FN3K: variants seen among roughly 807,000 people sequenced by gnomAD.
FN3K encodes the protein fructosamine-3-kinase.
In FN3K, 24 loss-of-function variants were observed where a neutral mutation model predicts 24.8. The ratio of observed to expected loss-of-function variants is 0.97; its 90% confidence interval spans 0.70 to 1.36. The LOEUF (loss-of-function observed/expected upper bound fraction) is 1.36. Ranked by LOEUF, FN3K falls within the 40% of genes most tolerant of loss-of-function variation. FN3K has a pLI of 0.00. For missense variants in FN3K, 449 were observed against 416.7 expected (o/e 1.08, Z -0.67); for synonymous variants, 192 against 175.2 (o/e 1.10, Z -0.76).
intron 5 of FN3K, 119 bp downstream of exon 5, chr17:82,749,096 A>C: frequency 7.0e-7 from 1 of 1,437,940 alleles, no homozygotes; most frequent in Non-Finnish European, 9.5e-7. Flanking sequence ...TGGAGCACAC[A>C]TCAGGGAGGA....
rs114101635 is a variant in FN3K at position 82,748,427 on chromosome 17, C to T, written c.469-428C>T. ...CTCCCAAAGTGCTGGGAATTGCAGGCGTGAGCCACTGTGCCTGGCCTCCAG... is the reference window on the plus strand; with the variant it reads ...CTCCCAAAGTGCTGGGAATTGCAGGTGTGAGCCACTGTGCCTGGCCTCCAG... On this transcript the variant is annotated intron_variant, in intron 4 of 5. Transcript: ENST00000300784. 7.9e-3 allele frequency among the ~76,000 whole-genome samples: 1,200 copies of T among 152,016 alleles called. 15 individuals are homozygous for T. Among genetic ancestry groups the T allele is most frequent in the African/African-American group, 0.027 (1,115 of 41,460 alleles).
Position 82,738,940 on chromosome 17 carries a change from A to ACGTGTG in FN3K, c.293+300_293+301insCGTGTG, listed in dbSNP as rs1568067663. ...TATATATACACATATATATATATAT[A>ACGTGTG]TATATATTTTTTTTTTTTTTGAAAC... is the stretch of plus-strand genomic sequence containing the variant. On this transcript the variant is annotated intron_variant, in intron 2 of 5. Transcript: ENST00000300784. Among the ~76,000 whole-genome samples the ACGTGTG allele has an allele frequency of 2.4e-4, 25 of 102,318 alleles. 1 individual carries two copies. Among genetic ancestry groups the ACGTGTG allele is most frequent in the African/African-American group, 1.0e-3 (25 of 24,540 alleles). The allele number at this position is 102,318 out of a possible 152,430, so 67.1% of individuals were successfully genotyped here. A position where few individuals can be genotyped will look rare whatever the true frequency, so the allele number is the denominator to read the frequency against.
In FN3K at chr17:82,738,784, T is replaced by C. The variant is rs2046921838; in HGVS notation, c.293+144T>C. ...CCTGTGGCTGAGCCGTCCACACAAC[T>C]GCCCGGTTATCAGAGGCAGGGCCAA... On this transcript the variant is annotated intron_variant, in intron 2 of 5. Coordinates refer to ENST00000300784, the MANE Select transcript of FN3K (RefSeq NM_022158.4). The C allele has an allele frequency of 5.0e-6, 5 of 1,002,066 alleles. No homozygotes were observed. The East Asian group carries it at 1.3e-4, about 26-fold the overall frequency. 62.1% of individuals were successfully genotyped at this position (1,002,066 alleles called of 1,614,324 possible). A position where few individuals can be genotyped will look rare whatever the true frequency, so the allele number is the denominator to read the frequency against.
At position 82,750,757 on chromosome 17, in the gene FN3K, G is replaced by A. The variant is rs1361828172; in HGVS notation, c.*2G>A. On this transcript the variant is annotated 3_prime_UTR_variant, in exon 6 of 6. Coordinates refer to ENST00000300784, the MANE Select transcript of FN3K (RefSeq NM_022158.4). Reference sequence around the variant, plus strand: ...ACCATGCGAAGGCTGCTCAAGTAGCGGCCCCTGCCCTCCCTTCCCCTGTCC... The same window carrying A: ...ACCATGCGAAGGCTGCTCAAGTAGCAGCCCCTGCCCTCCCTTCCCCTGTCC... The A allele has an allele frequency of 2.5e-6, 4 of 1,609,798 alleles. No individual in the cohort carries two copies. The highest frequency in any genetic ancestry group is 3.3e-5 in the Admixed American group (2 of 59,948).
Position 82,748,842 on chromosome 17 carries a change from C to T in FN3K, c.469-13C>T. 6.8e-6 allele frequency: 11 copies of T among 1,606,024 alleles called. No homozygotes were observed. The highest frequency in any genetic ancestry group is 9.3e-6 in the Non-Finnish European group (11 of 1,177,996). On this transcript the variant is annotated splice_polypyrimidine_tract_variant and intron_variant, in intron 4 of 5. Transcript: ENST00000300784. Reference sequence around the variant, plus strand: ...CGAATTGCAACAGTGGCCTCTTTTCCCTTGTTGTCCAGGTGAATGAGTGGC... The same window carrying T: ...CGAATTGCAACAGTGGCCTCTTTTCTCTTGTTGTCCAGGTGAATGAGTGGC...
At chr17:82,741,185 G>A (rs1375910396) in intron 3 of FN3K, 126 bp from the exon 4 acceptor site, 1 of 821,744 alleles carries the variant, frequency 1.2e-6, no homozygotes. Context: ...GCTACTGTAT[G>A]TAGTACATCC....
chr17:82,750,485 G>T lies in FN3K; in HGVS notation c.660G>T (p.Ser220=), dbSNP rs2047004660. 1 of 1,614,042 alleles carries T rather than the reference G, an allele frequency of 6.2e-7. No individual in the cohort carries two copies. The highest frequency in any genetic ancestry group is 1.3e-5 in the African/African-American group (1 of 74,910). The stretch of plus-strand genomic sequence containing the variant: ...CGTTGCTCCACGGGGATCTCTGGTC[G>T]GGAAACGTGGCTGAGGACGACGTGG... The part of the protein sequence containing the change: ...VPALLHGDLW[S]GNVAEDDVGP... The change falls in exon 6 of 6, where the codon TCG becomes TCT. Residue 220 remains serine (S), a synonymous_variant. Transcript: ENST00000300784.
rs895600318 is a variant in FN3K, at chr17:82,738,929, T to G, written c.293+289T>G. Reference sequence around the variant, plus strand: ...CATAAAATATATATATATACACATATATATATATATATATATATTTTTTTT... The same window carrying G: ...CATAAAATATATATATATACACATAGATATATATATATATATATTTTTTTT... On this transcript the variant is annotated intron_variant, in intron 2 of 5. Transcript: ENST00000300784. Among the ~76,000 whole-genome samples the G allele has an allele frequency of 1.1e-3, 46 of 41,802 alleles. No homozygotes were observed. The Admixed American group carries it at 0.014, about 13-fold the overall frequency. The allele number at this position is 41,802 out of a possible 152,430, so 27.4% of individuals were successfully genotyped here.
intron 4 of FN3K, among the ~76,000 whole-genome samples, chr17:82,746,897 T>C (rs1445785628): frequency 6.6e-6 from 1 of 151,810 alleles, no homozygotes; most frequent in African/African-American, 2.4e-5. Flanking sequence ...AGATCTTGGC[T>C]CACTGCAACC....
intron 4 of FN3K, chr17:82,745,741 C>T (rs1012903677): frequency 2.6e-5 from 4 of 152,110 alleles, no homozygotes; most frequent in South Asian, 4.1e-4. Context: ...CCACTTATCT[C>T]GGGTAAATAC....
intron 2 of FN3K, among the ~76,000 whole-genome samples, chr17:82,739,255 G>T (rs998186064): frequency 6.6e-6 from 1 of 151,470 alleles, no homozygotes; most frequent in Admixed American, 6.6e-5. Context: ...CCCAAAATAA[G>T]TATATTTGAA....
At chr17:82,742,966 G>C (rs1454754063) in intron 4 of FN3K, among the ~76,000 whole-genome samples, 1 of 152,150 alleles carries the variant, frequency 6.6e-6, no homozygotes, top group Non-Finnish European at 1.5e-5. Context: ...AGCAGATTTA[G>C]GGTTCCCAGC....
chr17:82,745,575 T>A (rs1223834483), intron 4 of FN3K: 1 of 152,278 alleles, frequency 6.6e-6, no homozygotes, highest in Non-Finnish European at 1.5e-5. Context: ...CACATCCATG[T>A]TGCATGTGTC....
chr17:82,742,127 A>C (rs534124175), intron 4 of FN3K, among the ~76,000 whole-genome samples: 2 of 151,752 alleles, frequency 1.3e-5, no homozygotes, highest in Admixed American at 1.3e-4. Context: ...CTGGTCTCGA[A>C]CTCCTGACCT....
intron 4 of FN3K, 24 bp downstream of exon 4, chr17:82,741,417 C>T: frequency 6.3e-7 from 1 of 1,598,376 alleles, no homozygotes; most frequent in South Asian, 1.1e-5. Context: ...TGAGGGTGTT[C>T]CCTGATGCCC....
intron 2 of FN3K, 23 bp downstream of exon 2, chr17:82,738,663 TGC>T (rs1412410084): frequency 1.9e-6 from 3 of 1,612,570 alleles, no homozygotes; most frequent in African/African-American, 1.3e-5. Flanking sequence ...GAGACCCATA[TGC>T]GCACATGTGT....
intron 2 of FN3K, 148 bp downstream of exon 2, chr17:82,738,788 C>A: frequency 1.0e-6 from 1 of 975,660 alleles, no homozygotes. Flanking sequence ...CACAACTGCC[C>A]GGTTATCAGA....
intron 3 of FN3K, chr17:82,741,095 A>G: frequency 3.0e-6 from 2 of 667,726 alleles, no homozygotes; most frequent in Non-Finnish European, 5.4e-6. Context: ...TGAGGTAATA[A>G]TAACCCCTTT....
chr17:82,749,197 C>A, intron 5 of FN3K: 2 of 646,026 alleles, frequency 3.1e-6, no homozygotes, highest in Non-Finnish European at 2.8e-6. Flanking sequence ...CTCTCCACTG[C>A]TAGGTCACCA....
Sources: gnomAD v4.1 joint callset for allele counts (sites outside exome capture counted in the v4.1 genomes callset) on GRCh38, gnomAD v4.1.1 for gene constraint, MANE v1.5 for transcripts, NCBI Gene and HGNC (gene_info 2026-07-23, HGNC 2026-07-21) for gene names.